Variants in ABCD3 observed in about 807,000 individuals in gnomAD.
The protein encoded by ABCD3 is ATP-binding cassette sub-family D member 3.
A neutral mutation model predicts 105.5 loss-of-function variants in ABCD3; 41 were observed. That is an observed-to-expected ratio of 0.39 (90% CI 0.30 to 0.50). The LOEUF (loss-of-function observed/expected upper bound fraction) is 0.50, where lower values mean the gene tolerates loss of function less well. Ranked by LOEUF, ABCD3 falls within the 20% of genes least tolerant of loss-of-function variation. The pLI, the probability that ABCD3 is intolerant of heterozygous loss-of-function variation, is 0.84. For synonymous variants in ABCD3, 258 were observed against 269.0 expected, an observed-to-expected ratio of 0.96 and a Z score of 0.40; for missense variants, 622 against 806.3, an observed-to-expected ratio of 0.77 and a Z score of 2.77.
At position 94,499,625 on chromosome 1, in the gene ABCD3, T is replaced by C. The variant is rs763459382; in HGVS notation, c.1740+11T>C. ...AAGCAAAGAATGGCGGTAAGTATAC[T>C]GTGAAGAAGTTGCACAAGAATGCAA... On this transcript the variant is annotated intron_variant, in intron 20 of 22. Transcript: ENST00000370214. The C allele has an allele frequency of 6.2e-7, 1 of 1,613,246 alleles. No individual in the cohort carries two copies. Among genetic ancestry groups the C allele is most frequent in the South Asian group, 1.1e-5 (1 of 91,066 alleles).
chr1:94,411,553 C>T, the ABCD3 span, among the ~76,000 whole-genome samples: 5 of 152,214 alleles, frequency 3.3e-5, no homozygotes, highest in East Asian at 5.8e-4. Flanking sequence ...AATGGTTCAG[C>T]TGCTGTGGAA....
chr1:94,392,121 T>C, the ABCD3 span, among the ~76,000 whole-genome samples: 1 of 152,244 alleles, frequency 6.6e-6, no homozygotes, highest in Admixed American at 6.5e-5. Context: ...TCTGTGGTAA[T>C]TAATGCTATT....
rs537715713 is a variant in ABCD3, at chr1:94,472,517, T to C, written c.336-1249T>C. On this transcript the variant is annotated intron_variant, in intron 4 of 22. Coordinates refer to ENST00000370214, the MANE Select transcript of ABCD3 (RefSeq NM_002858.4). The stretch of plus-strand genomic sequence containing the variant: ...ATATAAACATTGGAGTATTAATTTC[T>C]CTTAATCAGTCTAAAGGAACATTTC... 3.3e-5 allele frequency among the ~76,000 whole-genome samples: 5 copies of C among 152,138 alleles called. No homozygotes were observed. In the East Asian group the frequency reaches 7.7e-4, roughly 23 times the overall value.
chr1:94,499,945 C>A (rs1650011324), intron 20 of ABCD3, among the ~76,000 whole-genome samples: 1 of 152,098 alleles, frequency 6.6e-6, no homozygotes, highest in African/African-American at 2.4e-5. Context: ...GAAATTTCTT[C>A]TCATGTCTCT....
In ABCD3 at chr1:94,506,520, A is replaced by AT; in HGVS notation, c.1741-10dup. The AT allele has an allele frequency of 7.6e-6, 12 of 1,579,236 alleles. No individual in the cohort carries two copies. The highest frequency in any genetic ancestry group is 2.2e-5 in the East Asian group (1 of 44,514). On this transcript the variant is annotated splice_polypyrimidine_tract_variant and intron_variant, in intron 20 of 22. Coordinates refer to ENST00000370214, the MANE Select transcript of ABCD3 (RefSeq NM_002858.4). ...GGTCTGCCTGTGTTTTACACAAAAA[A>AT]TTTTTTTTATGCTTCAGATGGCAAG... is the stretch of plus-strand genomic sequence containing the variant.
chr1:94,486,424 C>G (rs148305680), intron 10 of ABCD3, among the ~76,000 whole-genome samples: 21 of 152,276 alleles, frequency 1.4e-4, no homozygotes, highest in Non-Finnish European at 2.8e-4. Context: ...CTTCTCTGTT[C>G]TATTCATTGT....
Position 94,517,241 on chromosome 1 carries a change from A to T in ABCD3, c.*112A>T. On this transcript the variant is annotated 3_prime_UTR_variant, in exon 23 of 23. Coordinates refer to ENST00000370214, the MANE Select transcript of ABCD3 (RefSeq NM_002858.4). ...CTTAGTTTTTTTTAAAAAAAAAAAC[A>T]AAGCAACAAATTAACTAGATACAGA... The T allele has an allele frequency of 1.2e-6, 1 of 812,066 alleles. No individual in the cohort carries two copies. The highest frequency in any genetic ancestry group is 1.5e-5 in the South Asian group (1 of 68,150). 50.3% of individuals were successfully genotyped at this position (812,066 alleles called of 1,614,324 possible).
chr1:94,488,875 C>T (rs1649398342), intron 13 of ABCD3, among the ~76,000 whole-genome samples: 1 of 151,656 alleles, frequency 6.6e-6, no homozygotes. Context: ...TTCTCTTTCA[C>T]TCCCTCCCTT....
intron 16 of ABCD3, 82 bp downstream of exon 16, chr1:94,491,329 A>T: frequency 9.4e-7 from 1 of 1,061,822 alleles, no homozygotes; most frequent in South Asian, 1.3e-5. Flanking sequence ...ATTTAAAGTA[A>T]CTTTAAGGCT....
intron 2 of ABCD3, among the ~76,000 whole-genome samples, chr1:94,464,347 TAATC>T (rs1648030964): frequency 6.6e-6 from 1 of 152,084 alleles, no homozygotes; most frequent in Non-Finnish European, 1.5e-5. Flanking sequence ...AATATGGTGT[TAATC>T]AGGAAGTGGC....
chr1:94,418,551 C>T lies in ABCD3; in HGVS notation c.73C>T (p.Leu25=), dbSNP rs1228582137. The change falls in exon 1 of 23, where the codon CTG becomes TTG. Residue 25 remains leucine, a synonymous_variant. Transcript: ENST00000370214. The part of the protein sequence containing the change: ...LAGAAFLLLC[L]LHKRRRALGL... ...TGGTGCCGCGTTCCTGCTGCTCTGC[C>T]TGCTCCACAAGCGGCGCCGCGCCCT... 4 of 1,604,562 alleles carry T rather than the reference C, an allele frequency of 2.5e-6. 1 individual carries two copies. The highest frequency in any genetic ancestry group is 2.2e-5 in the South Asian group (2 of 90,774).
At chr1:94,410,479 T>C in the ABCD3 span, among the ~76,000 whole-genome samples, 1 of 152,238 alleles carries the variant, frequency 6.6e-6, no homozygotes, top group Non-Finnish European at 1.5e-5. Context: ...GAGAAAGGCC[T>C]GTGCTTCTTT....
intron 1 of ABCD3, 107 bp downstream of exon 1, chr1:94,418,695 C>A: frequency 8.1e-7 from 1 of 1,231,810 alleles, no homozygotes; most frequent in Non-Finnish European, 1.1e-6. Context: ...CGGGGTCGGG[C>A]GGAGAGAGGG....
rs553377881 is a variant in ABCD3 at position 94,450,704 on chromosome 1, C to T, written c.111-7903C>T. Reference sequence around the variant, plus strand: ...GCTGTGAGACCCCTGATTTCCCACTCCACACTCTATATTTCTGTGTGTGTG... The same window carrying T: ...GCTGTGAGACCCCTGATTTCCCACTTCACACTCTATATTTCTGTGTGTGTG... On this transcript the variant is annotated intron_variant, in intron 1 of 22. Transcript: ENST00000370214. 2.6e-5 allele frequency among the ~76,000 whole-genome samples: 4 copies of T among 152,312 alleles called. No homozygotes were observed. In the South Asian group the frequency reaches 8.3e-4, roughly 32 times the overall value.
chr1:94,416,846 G>A (rs1428799939), upstream of ABCD3, among the ~76,000 whole-genome samples: 1 of 152,212 alleles, frequency 6.6e-6, no homozygotes, highest in Non-Finnish European at 1.5e-5. Context: ...CCAGAAGGAA[G>A]GAATGGTGCT....
intron 1 of ABCD3, among the ~76,000 whole-genome samples, chr1:94,445,866 C>T (rs913685053): frequency 3.9e-5 from 6 of 152,102 alleles, no homozygotes; most frequent in South Asian, 4.1e-4. Context: ...GGCTGCTCTG[C>T]GACCTATTAG....
chr1:94,436,808 G>T (rs1659922902), intron 1 of ABCD3, among the ~76,000 whole-genome samples: 1 of 152,152 alleles, frequency 6.6e-6, no homozygotes, highest in African/African-American at 2.4e-5. Context: ...GGTTTCTTGT[G>T]CCAGTTAGCC....
chr1:94,421,026 TG>T (rs2100864576), intron 1 of ABCD3, among the ~76,000 whole-genome samples: 1 of 152,286 alleles, frequency 6.6e-6, no homozygotes, highest in Non-Finnish European at 1.5e-5. Flanking sequence ...TTTTAATTTT[TG>T]TTAATGTAAT....
chr1:94,424,404 T>C (rs1447017555), intron 1 of ABCD3, among the ~76,000 whole-genome samples: 1 of 152,116 alleles, frequency 6.6e-6, no homozygotes, highest in Non-Finnish European at 1.5e-5. Flanking sequence ...AGACCTTCTA[T>C]TGCCATTCGA....
Sources: allele counts gnomAD v4.1 joint callset (sites outside exome capture counted in the v4.1 genomes callset), GRCh38; gene constraint gnomAD v4.1.1; transcripts MANE v1.5; gene names NCBI Gene and HGNC (gene_info 2026-07-23, HGNC 2026-07-21).